Variants in KCNH1 observed in about 807,000 individuals in gnomAD.
The protein encoded by KCNH1 is voltage-gated delayed rectifier potassium channel KCNH1.
In KCNH1, 27 loss-of-function variants were observed where a neutral mutation model predicts 69.2. The ratio of observed to expected loss-of-function variants is 0.39; its 90% CI spans 0.29 to 0.54. The LOEUF is 0.54. KCNH1 is among the 20% of genes least tolerant of loss of function. The probability of loss-of-function intolerance (pLI) is 0.68; values close to 1 mark genes in which losing one functional copy is unlikely to be tolerated. For synonymous variants in KCNH1, 456 were observed against 487.7 expected (o/e 0.93, Z 0.86); for missense variants, 798 against 1,261.6 (o/e 0.63, Z 5.57).
chr1:210,720,376 CA>C (rs2149026218), intron 10 of KCNH1, among the ~76,000 whole-genome samples: 1 of 152,260 alleles, frequency 6.6e-6, no homozygotes, highest in Non-Finnish European at 1.5e-5. Flanking sequence ...ATTTACATTG[CA>C]TTGGCTTGTC....
chr1:210,782,884 C>T (rs1684015411), intron 9 of KCNH1, among the ~76,000 whole-genome samples: 1 of 152,216 alleles, frequency 6.6e-6, no homozygotes, highest in Admixed American at 6.5e-5. Flanking sequence ...TGATCTTGGA[C>T]TTCCCAGCAT....
intron 6 of KCNH1, among the ~76,000 whole-genome samples, chr1:210,933,073 A>T (rs1463484423): frequency 6.6e-6 from 1 of 152,224 alleles, no homozygotes; most frequent in African/African-American, 2.4e-5. Context: ...TTATCAGCAA[A>T]AGGATCATTG....
In KCNH1 at chr1:210,919,607, T is replaced by C. The variant is rs1442406691; in HGVS notation, c.1462+33A>G. On this transcript the variant is annotated intron_variant, in intron 7 of 10. Coordinates refer to ENST00000271751, the MANE Select transcript of KCNH1 (RefSeq NM_172362.3). The surrounding 1 kb of genome is among the most constrained non-coding windows in gnomAD (Gnocchi z 4.2). ...CCCTGTTTCCAGCTAACAGAAGAGATGGCCAACCCCACCCCAGCACTGTCA... is the reference window on the plus strand; with the variant it reads ...CCCTGTTTCCAGCTAACAGAAGAGACGGCCAACCCCACCCCAGCACTGTCA... The C allele has an allele frequency of 6.3e-7, 1 of 1,579,988 alleles. No homozygotes were observed. Among genetic ancestry groups the C allele is most frequent in the East Asian group, 2.2e-5 (1 of 44,484 alleles).
At chr1:211,029,522 GA>G (rs1441788225) in intron 5 of KCNH1, among the ~76,000 whole-genome samples, 1 of 150,374 alleles carries the variant, frequency 6.7e-6, no homozygotes, top group East Asian at 2.0e-4. Context: ...AACTCTCAGA[GA>G]AAAAAAATAG....
At chr1:210,791,655 T>C (rs1343846572) in intron 9 of KCNH1, among the ~76,000 whole-genome samples, 1 of 152,144 alleles carries the variant, frequency 6.6e-6, no homozygotes, top group Non-Finnish European at 1.5e-5. Flanking sequence ...AAGAAGTCTA[T>C]AGAAAAAGGT....
chr1:210,728,182 T>C (rs1219095556), intron 10 of KCNH1, among the ~76,000 whole-genome samples: 1 of 152,198 alleles, frequency 6.6e-6, no homozygotes, highest in Non-Finnish European at 1.5e-5. Flanking sequence ...GAATGTAGGC[T>C]TAGGAGTCTG....
chr1:210,741,996 T>C (rs1683043812), intron 10 of KCNH1, among the ~76,000 whole-genome samples: 1 of 152,200 alleles, frequency 6.6e-6, no homozygotes, highest in African/African-American at 2.4e-5. Context: ...GATAGTGCTC[T>C]CATAACTATT....
chr1:210,781,243 A>G (rs1683976258), intron 9 of KCNH1, among the ~76,000 whole-genome samples: 1 of 152,138 alleles, frequency 6.6e-6, no homozygotes, highest in Non-Finnish European at 1.5e-5. Flanking sequence ...AGTGAGAAAC[A>G]TCAGCTTGTT....
intron 7 of KCNH1, among the ~76,000 whole-genome samples, chr1:210,829,372 A>G (rs1685111049): frequency 6.6e-6 from 1 of 152,024 alleles, no homozygotes; most frequent in African/African-American, 2.4e-5. Flanking sequence ...AGGGTCCTTT[A>G]CAGATTGGTA....
chr1:210,851,976 G>T (rs1427907151), intron 7 of KCNH1, among the ~76,000 whole-genome samples: 1 of 152,156 alleles, frequency 6.6e-6, no homozygotes, highest in African/African-American at 2.4e-5. Flanking sequence ...AATCAGACTT[G>T]GCCTTTGCCC....
chr1:210,963,053 A>G (rs1688327726), intron 6 of KCNH1, among the ~76,000 whole-genome samples: 1 of 151,888 alleles, frequency 6.6e-6, no homozygotes. Context: ...TTAAAAAAGT[A>G]TTCCCAAATC....
chr1:210,790,194 T>A (rs958897525), intron 9 of KCNH1, among the ~76,000 whole-genome samples: 1 of 152,242 alleles, frequency 6.6e-6, no homozygotes, highest in African/African-American at 2.4e-5. Context: ...TTCCTCTAAA[T>A]CCTAAATTCC....
At chr1:210,710,254 C>T (rs1356989701) in intron 10 of KCNH1, among the ~76,000 whole-genome samples, 1 of 152,116 alleles carries the variant, frequency 6.6e-6, no homozygotes, top group Non-Finnish European at 1.5e-5. Context: ...GTATAGGGCA[C>T]TTAGCAAGAA....
At chr1:211,000,894 C>A (rs1689164233) in intron 6 of KCNH1, among the ~76,000 whole-genome samples, 1 of 152,026 alleles carries the variant, frequency 6.6e-6, no homozygotes, top group South Asian at 2.1e-4. Context: ...ACAAACCTGA[C>A]AAAAACAAGA....
intron 10 of KCNH1, among the ~76,000 whole-genome samples, chr1:210,722,194 AATAGGG>A (rs1558440526): frequency 1.3e-5 from 2 of 152,346 alleles, no homozygotes; most frequent in East Asian, 3.9e-4. Flanking sequence ...CCATTCTATG[AATAGGG>A]ATAAGAAGGA....
intron 10 of KCNH1, among the ~76,000 whole-genome samples, chr1:210,717,100 T>A (rs1255099723): frequency 6.6e-6 from 1 of 152,186 alleles, no homozygotes; most frequent in African/African-American, 2.4e-5. Flanking sequence ...CTTCTTTGCC[T>A]CCCAGGAAGC....
chr1:210,751,262 C>T (rs1194039566), intron 10 of KCNH1, among the ~76,000 whole-genome samples: 3 of 152,074 alleles, frequency 2.0e-5, no homozygotes, highest in Middle Eastern at 3.2e-3. Flanking sequence ...GAGCTGGACG[C>T]AAGCTCAGAA....
At chr1:211,131,100 T>C (rs1691867870) in intron 1 of KCNH1, among the ~76,000 whole-genome samples, 2 of 152,122 alleles carry the variant, frequency 1.3e-5, no homozygotes, top group Admixed American at 1.3e-4. Flanking sequence ...GCCTCATTAG[T>C]TCTGCCCTTA....
At chr1:210,928,665 C>T (rs1014685797) in intron 6 of KCNH1, among the ~76,000 whole-genome samples, 2 of 151,888 alleles carry the variant, frequency 1.3e-5, no homozygotes, top group Admixed American at 1.3e-4. Context: ...AAGAACAATT[C>T]AAACCCAAAC....
Sources: gnomAD v4.1 joint callset for allele counts (sites outside exome capture counted in the v4.1 genomes callset) on GRCh38, gnomAD v4.1.1 for gene constraint, Gnocchi (gnomAD v3.1) non-coding constraint, MANE v1.5 for transcripts, NCBI Gene and HGNC (gene_info 2026-07-23, HGNC 2026-07-21) for gene names.